Variants in GRIP1 observed in about 807,000 individuals in gnomAD.
GRIP1 encodes the protein glutamate receptor interacting protein 1.
A neutral mutation model predicts 129.9 loss-of-function variants in GRIP1; 45 were observed. The ratio of observed to expected loss-of-function variants is 0.35; its 90% CI spans 0.27 to 0.44. GRIP1 has a LOEUF of 0.44. Among genes scored for constraint, GRIP1 ranks in the 20% least tolerant of loss-of-function variants. GRIP1 has a pLI of 1.00. For missense variants in GRIP1, 1,196 were observed against 1,396.8 expected (o/e 0.86, Z 2.29); for synonymous variants, 530 against 520.8 (o/e 1.02, Z -0.24).
At position 66,539,114 on chromosome 12, in the gene GRIP1, CTCTT is replaced by C; in HGVS notation, c.378_381del (p.Arg127TrpfsTer5). 1 of 1,614,122 alleles carries C rather than the reference CTCTT, an allele frequency of 6.2e-7. No individual in the cohort carries two copies. The highest frequency in any genetic ancestry group is 8.5e-7 in the Non-Finnish European group (1 of 1,180,010). On this transcript the variant is annotated frameshift_variant, in exon 4 of 25. Transcript: ENST00000359742. LOFTEE classifies it high-confidence loss of function. Reference sequence around the variant, plus strand: ...AGCTCGTACTCTACTTCAAGAACCACTCTTTCTCCCACATTCTTCAGCAAGCTGA... The same window carrying C: ...AGCTCGTACTCTACTTCAAGAACCACTCTCCCACATTCTTCAGCAAGCTGA...
At chr12:67,048,879 A>G (rs2043297039) in intron 1 of GRIP1, among the ~76,000 whole-genome samples, 1 of 152,138 alleles carries the variant, frequency 6.6e-6, no homozygotes, top group Non-Finnish European at 1.5e-5. Context: ...AGGCCTCCCC[A>G]GCCACGTGGA....
upstream of GRIP1, among the ~76,000 whole-genome samples, chr12:66,807,542 C>T (rs529052214): frequency 5.3e-5 from 8 of 152,130 alleles, no homozygotes; most frequent in Admixed American, 3.9e-4. Flanking sequence ...GGCATGGTGG[C>T]GGGCGCCTGT....
At chr12:66,935,672 G>C (rs1472467175) in intron 1 of GRIP1, among the ~76,000 whole-genome samples, 3 of 152,196 alleles carry the variant, frequency 2.0e-5, no homozygotes, top group Non-Finnish European at 2.9e-5. Context: ...CAGATTCACA[G>C]AGACTCCAGG....
At chr12:66,933,020 T>A (rs2041424584) in intron 1 of GRIP1, among the ~76,000 whole-genome samples, 2 of 152,222 alleles carry the variant, frequency 1.3e-5, no homozygotes, top group Admixed American at 6.5e-5. Context: ...ATATTGTTCC[T>A]ATAGGTAACG....
At chr12:66,525,007 A>G (rs920260486) in intron 5 of GRIP1, among the ~76,000 whole-genome samples, 3 of 152,194 alleles carry the variant, frequency 2.0e-5, no homozygotes, top group African/African-American at 7.2e-5. Flanking sequence ...GAATAGACCA[A>G]TAACAGGCTC....
At chr12:66,627,056 C>T (rs1256441746) in intron 1 of GRIP1, among the ~76,000 whole-genome samples, 5 of 144,988 alleles carry the variant, frequency 3.4e-5, no homozygotes, top group South Asian at 4.3e-4. Context: ...ATCATCTGCC[C>T]TACAAAGCAT....
intron 1 of GRIP1, among the ~76,000 whole-genome samples, chr12:66,908,594 C>G (rs900987121): frequency 2.0e-5 from 3 of 148,382 alleles, no homozygotes; most frequent in Admixed American, 1.3e-4. Flanking sequence ...ATTAAACACC[C>G]TCTTGCACAG....
chr12:67,006,456 C>T (rs1026488515), intron 1 of GRIP1, among the ~76,000 whole-genome samples: 51 of 151,960 alleles, frequency 3.4e-4, no homozygotes, highest in African/African-American at 1.2e-3. Flanking sequence ...TCCCAGCTAC[C>T]GGAGTGGTAT....
rs1254792580 is a variant in GRIP1 at position 66,527,109 on chromosome 12, T to A, written c.502+2722A>T. On this transcript the variant is annotated intron_variant, in intron 5 of 24. Transcript: ENST00000359742. ...TAAACTAGTTCAACCATTGTGGAAG[T>A]CAGTGTGGCGATTCCTCAGGGATCT... Among the ~76,000 whole-genome samples the A allele has an allele frequency of 8.2e-5, 12 of 147,200 alleles. No individual in the cohort carries two copies. The East Asian group carries it at 2.2e-3, about 26-fold the overall frequency.
At chr12:66,354,665 A>G (rs1332692409) in intron 23 of GRIP1, among the ~76,000 whole-genome samples, 2 of 152,206 alleles carry the variant, frequency 1.3e-5, no homozygotes, top group Non-Finnish European at 2.9e-5. Flanking sequence ...CTAATGCATG[A>G]ATACATTCTT....
At chr12:66,361,936 G>T (rs1182116338) in intron 23 of GRIP1, among the ~76,000 whole-genome samples, 3 of 152,058 alleles carry the variant, frequency 2.0e-5, no homozygotes, top group African/African-American at 7.2e-5. Flanking sequence ...TGAAGGCCAG[G>T]CACACTGTCA....
chr12:66,539,399 G>A (rs78600726), intron 3 of GRIP1, among the ~76,000 whole-genome samples, 176 bp from the exon 4 acceptor site: 3,469 of 152,244 alleles, frequency 0.023, 123 homozygotes, highest in African/African-American at 0.08. Context: ...GAGTACAGCT[G>A]AAGTCAGATG....
At chr12:66,375,959 G>A (rs1242931033) in intron 22 of GRIP1, among the ~76,000 whole-genome samples, 3 of 152,186 alleles carry the variant, frequency 2.0e-5, no homozygotes, top group Admixed American at 6.5e-5. Context: ...CTCAGTTTGG[G>A]CTACTTTTCT....
intron 7 of GRIP1, among the ~76,000 whole-genome samples, chr12:66,478,721 C>G (rs1742227077): frequency 6.6e-6 from 1 of 152,086 alleles, no homozygotes; most frequent in Admixed American, 6.5e-5. Context: ...GAGTTCATGT[C>G]CTTTGTAGGG....
intron 1 of GRIP1, among the ~76,000 whole-genome samples, chr12:66,622,906 C>T (rs755079743): frequency 6.6e-6 from 1 of 152,164 alleles, no homozygotes; most frequent in African/African-American, 2.4e-5. Context: ...AGTTTGAGCT[C>T]CTGCGGCACC....
At chr12:66,883,647 T>C (rs548206705) in intron 1 of GRIP1, among the ~76,000 whole-genome samples, 37 of 152,316 alleles carry the variant, frequency 2.4e-4, no homozygotes, top group African/African-American at 8.2e-4. Context: ...AGAGGGTTTA[T>C]AGTTAGGGTG....
intron 1 of GRIP1, among the ~76,000 whole-genome samples, chr12:67,032,518 T>C (rs929263867): frequency 6.6e-6 from 1 of 152,216 alleles, no homozygotes; most frequent in Non-Finnish European, 1.5e-5. Context: ...TACTTCTTTC[T>C]GAATATCTAT....
chr12:67,010,516 T>C (rs1187434358), intron 1 of GRIP1, among the ~76,000 whole-genome samples: 1 of 152,216 alleles, frequency 6.6e-6, no homozygotes, highest in Admixed American at 6.5e-5. Context: ...AGTTCAGTTT[T>C]AGATGCCACT....
intron 1 of GRIP1, among the ~76,000 whole-genome samples, chr12:66,833,297 G>C (rs2039551480): frequency 6.6e-6 from 1 of 152,118 alleles, no homozygotes; most frequent in Non-Finnish European, 1.5e-5. Flanking sequence ...CTTTATTCTG[G>C]CATAAGCATG....
Sources: gnomAD v4.1 joint callset for allele counts (sites outside exome capture counted in the v4.1 genomes callset) on GRCh38, gnomAD v4.1.1 for gene constraint, MANE v1.5 for transcripts, NCBI Gene and HGNC (gene_info 2026-07-23, HGNC 2026-07-21) for gene names.